The following PDE1C variants were observed in gnomAD, a reference collection of about 807,000 sequenced individuals.
The protein encoded by PDE1C is dual specificity calcium/calmodulin-dependent 3',5'-cyclic nucleotide phosphodiesterase 1C.
In PDE1C, 62 loss-of-function variants were observed where a neutral mutation model predicts 93.1. The observed-to-expected ratio is 0.67, with a 90% CI of 0.54 to 0.82. PDE1C has a LOEUF of 0.82. Among genes scored for constraint, PDE1C ranks in the 40% least tolerant of loss-of-function variants. The pLI is 0.00. For missense variants in PDE1C, 742 were observed against 884.6 expected (o/e 0.84, Z 2.04); for synonymous variants, 325 against 310.1 (o/e 1.05, Z -0.50).
chr7:32,028,055 G>C (rs1481190834), intron 2 of PDE1C, among the ~76,000 whole-genome samples: 1 of 152,090 alleles, frequency 6.6e-6, no homozygotes, highest in Non-Finnish European at 1.5e-5. Context: ...TTGACAGCTA[G>C]AGCAGGGCTG....
At chr7:31,659,555 G>A in the PDE1C span, among the ~76,000 whole-genome samples, 1 of 152,174 alleles carries the variant, frequency 6.6e-6, no homozygotes, top group African/African-American at 2.4e-5. Context: ...TCACTTGGTT[G>A]CTATATATGT....
chr7:32,282,303 C>T, intron 1 of PDE1C, among the ~76,000 whole-genome samples: 1 of 151,608 alleles, frequency 6.6e-6, no homozygotes, highest in Non-Finnish European at 1.5e-5. Flanking sequence ...ATGGAGAAAC[C>T]CTGTCTCTAC....
At chr7:31,967,676 A>G (rs1379649839) in intron 2 of PDE1C, among the ~76,000 whole-genome samples, 1 of 152,230 alleles carries the variant, frequency 6.6e-6, no homozygotes, top group African/African-American at 2.4e-5. Flanking sequence ...TTTTAGACCA[A>G]TATCCTTGAT....
the PDE1C span, among the ~76,000 whole-genome samples, chr7:31,659,468 C>T: frequency 6.6e-6 from 1 of 152,200 alleles, no homozygotes; most frequent in Non-Finnish European, 1.5e-5. Flanking sequence ...CTCCACCAAC[C>T]TCTCTGCTTC....
intron 2 of PDE1C, among the ~76,000 whole-genome samples, chr7:32,002,506 G>A (rs1785604247): frequency 6.6e-6 from 1 of 152,210 alleles, no homozygotes; most frequent in Non-Finnish European, 1.5e-5. Flanking sequence ...GATCCACAGA[G>A]TCCACTTCGG....
intron 2 of PDE1C, among the ~76,000 whole-genome samples, chr7:32,043,765 G>A (rs1055521556): frequency 4.6e-5 from 7 of 152,296 alleles, no homozygotes; most frequent in African/African-American, 1.7e-4. Context: ...CAGAGTCAAT[G>A]ATTTAAGCAA....
chr7:32,185,191 G>A (rs1377735059), intron 2 of PDE1C, among the ~76,000 whole-genome samples: 1 of 148,290 alleles, frequency 6.7e-6, no homozygotes, highest in Non-Finnish European at 1.5e-5. Flanking sequence ...GTTGATGTGA[G>A]CTGAGATAGT....
intron 1 of PDE1C, among the ~76,000 whole-genome samples, chr7:32,410,391 G>T (rs867926848): frequency 1.5e-4 from 23 of 151,568 alleles, no homozygotes; most frequent in Middle Eastern, 3.4e-3. Context: ...GGAGGAGGGG[G>T]TGGAGGGGGA....
the PDE1C span, among the ~76,000 whole-genome samples, chr7:31,702,595 A>C: frequency 6.6e-6 from 1 of 152,308 alleles, no homozygotes; most frequent in East Asian, 1.9e-4. Flanking sequence ...CACAGCATGC[A>C]AATACCCAAA....
At chr7:31,942,544 C>T (rs984943166) in intron 2 of PDE1C, among the ~76,000 whole-genome samples, 1 of 152,066 alleles carries the variant, frequency 6.6e-6, no homozygotes, top group Non-Finnish European at 1.5e-5. Context: ...TTGTGTGCTG[C>T]CCTTTGTCTC....
chr7:32,019,459 G>A (rs1002077362), intron 2 of PDE1C, among the ~76,000 whole-genome samples: 2 of 152,152 alleles, frequency 1.3e-5, no homozygotes, highest in African/African-American at 4.8e-5. Context: ...GGCATACCAT[G>A]CTAGCGAGCT....
At chr7:32,423,010 G>A (rs936594252) in intron 1 of PDE1C, among the ~76,000 whole-genome samples, 3 of 152,122 alleles carry the variant, frequency 2.0e-5, no homozygotes, top group East Asian at 1.9e-4. Flanking sequence ...ATTTCTACTC[G>A]TAGAACAGCA....
At chr7:32,272,970 A>C (rs1017718966) in intron 1 of PDE1C, among the ~76,000 whole-genome samples, 1 of 152,202 alleles carries the variant, frequency 6.6e-6, no homozygotes, top group Non-Finnish European at 1.5e-5. Flanking sequence ...AGCATCTACC[A>C]TATGCTTAGT....
chr7:32,143,389 G>A (rs141649534), intron 3 of PDE1C, among the ~76,000 whole-genome samples: 3 of 151,206 alleles, frequency 2.0e-5, no homozygotes, highest in East Asian at 1.9e-4. Flanking sequence ...AGGGAACAGC[G>A]AGAAGGGTAG....
chr7:32,272,459 A>C (rs989249985), intron 1 of PDE1C, among the ~76,000 whole-genome samples: 1 of 152,272 alleles, frequency 6.6e-6, no homozygotes, highest in African/African-American at 2.4e-5. Flanking sequence ...TGAATTCTGG[A>C]AACTCTAAAC....
At position 32,268,016 on chromosome 7, in the gene PDE1C, C is replaced by T. The variant is rs1329323207; in HGVS notation, c.85+30635G>A. On this transcript the variant is annotated intron_variant, in intron 1 of 18. Transcript: ENST00000396193. Reference sequence around the variant, plus strand: ...TGAAGGAAAAGTCAGGCTGGCACTGCTAACAGGATCAGCCACTAGGTGCAG... The same window carrying T: ...TGAAGGAAAAGTCAGGCTGGCACTGTTAACAGGATCAGCCACTAGGTGCAG... Among the ~76,000 whole-genome samples, 5 of 152,162 alleles carry T rather than the reference C, an allele frequency of 3.3e-5. No homozygotes were observed. In the East Asian group the frequency reaches 5.8e-4, roughly 18 times the overall value.
At chr7:31,912,878 G>A (rs1022561008) in intron 2 of PDE1C, among the ~76,000 whole-genome samples, 3 of 151,968 alleles carry the variant, frequency 2.0e-5, no homozygotes, top group Admixed American at 2.0e-4. Context: ...GACAATAAAT[G>A]AAGATTATTT....
At chr7:31,990,722 G>T (rs1784049600) in intron 2 of PDE1C, among the ~76,000 whole-genome samples, 2 of 152,172 alleles carry the variant, frequency 1.3e-5, no homozygotes, top group South Asian at 4.1e-4. Context: ...TCTATGTAAA[G>T]AGAAATTATC....
At chr7:31,729,350 T>C in the PDE1C span, among the ~76,000 whole-genome samples, 4 of 152,126 alleles carry the variant, frequency 2.6e-5, no homozygotes, top group East Asian at 7.7e-4. Context: ...GCTCTGGAAG[T>C]AGTCACAAAT....
Sources: gnomAD v4.1 joint callset for allele counts (sites outside exome capture counted in the v4.1 genomes callset) on GRCh38, gnomAD v4.1.1 for gene constraint, MANE v1.5 for transcripts, NCBI Gene and HGNC (gene_info 2026-07-23, HGNC 2026-07-21) for gene names.